Variants in CFTR observed in about 807,000 individuals in gnomAD.
CFTR encodes cystic fibrosis transmembrane conductance regulator.
A neutral mutation model predicts 171.6 loss-of-function variants in CFTR; 181 were observed. The ratio of observed to expected loss-of-function variants is 1.05; its 90% CI spans 0.93 to 1.19. The LOEUF (loss-of-function observed/expected upper bound fraction) is 1.19. CFTR is among the 50% of genes most tolerant of loss of function. The pLI, the probability that CFTR is intolerant of heterozygous loss-of-function variation, is 0.00. For synonymous variants in CFTR, 583 were observed against 608.0 expected, an observed-to-expected ratio of 0.96 and a Z score of 0.60; for missense variants, 1,968 against 1,734.7, an observed-to-expected ratio of 1.13 and a Z score of -2.39.
At chr7:117,662,664 C>A (rs934636747) in intron 24 of CFTR, among the ~76,000 whole-genome samples, 3 of 152,072 alleles carry the variant, frequency 2.0e-5, no homozygotes, top group Non-Finnish European at 2.9e-5. Context: ...TTAGGAAGAT[C>A]CCTGGGGTGT....
At chr7:117,618,056 C>A (rs184809794) in intron 21 of CFTR, among the ~76,000 whole-genome samples, 1 of 152,294 alleles carries the variant, frequency 6.6e-6, no homozygotes, top group East Asian at 1.9e-4. Context: ...GATACTTTCT[C>A]TCTTGCTTCC....
In CFTR at chr7:117,537,942, G is replaced by C. The variant is rs565140583; in HGVS notation, c.869+1269G>C. ...AAGGGTGATGACAAGGATATCAGAG[G>C]GTCTGGTTTTCTCAAACTCATGATA... On this transcript the variant is annotated intron_variant, in intron 7 of 26. Coordinates refer to ENST00000003084, the MANE Select transcript of CFTR (RefSeq NM_000492.4). Among the ~76,000 whole-genome samples, 5 of 152,152 alleles carry C rather than the reference G, an allele frequency of 3.3e-5. No individual in the cohort carries two copies. In the South Asian group the frequency reaches 8.3e-4, roughly 25 times the overall value.
intron 3 of CFTR, among the ~76,000 whole-genome samples, chr7:117,524,410 A>G (rs1159731384): frequency 6.6e-6 from 1 of 151,830 alleles, no homozygotes; most frequent in Non-Finnish European, 1.5e-5. Flanking sequence ...AAAAAAAACC[A>G]AATCAAAGTA....
chr7:117,624,416 G>C (rs1321674387), intron 21 of CFTR, among the ~76,000 whole-genome samples: 2 of 152,046 alleles, frequency 1.3e-5, no homozygotes, highest in African/African-American at 4.8e-5. Context: ...GCCCCTGAGG[G>C]GTAAAAAGAT....
At chr7:117,601,648 T>G (rs1792226377) in intron 15 of CFTR, among the ~76,000 whole-genome samples, 1 of 152,196 alleles carries the variant, frequency 6.6e-6, no homozygotes, top group African/African-American at 2.4e-5. Flanking sequence ...TCCAAAATTG[T>G]TTTACTCACA....
intron 18 of CFTR, 79 bp downstream of exon 18, chr7:117,606,832 A>AT: frequency 1.1e-6 from 1 of 894,634 alleles, no homozygotes; most frequent in Non-Finnish European, 1.9e-6. Flanking sequence ...TTTTGTTTTC[A>AT]TTTTTTATTT....
chr7:117,614,685 T>C lies in CFTR; in HGVS notation c.3440T>C (p.Val1147Ala). 1 of 1,612,162 alleles carries C rather than the reference T, an allele frequency of 6.2e-7. No individual in the cohort carries two copies. Reference protein sequence around the residue: ...MNIMSTLQWAVNSSIDVDSLM... With the variant: ...MNIMSTLQWAANSSIDVDSLM... The stretch of plus-strand genomic sequence containing the variant: ...ATCATGAGTACATTGCAGTGGGCTG[T>C]AAACTCCAGCATAGATGTGGATAGC... The change falls in exon 21 of 27, where the codon GTA (valine) becomes GCA (alanine). Residue 1147 changes from valine (V) to alanine (A), a missense_variant. Transcript: ENST00000003084.
At chr7:117,644,292 A>G (rs941966399) in intron 23 of CFTR, among the ~76,000 whole-genome samples, 16 of 152,132 alleles carry the variant, frequency 1.1e-4, no homozygotes, top group Admixed American at 3.9e-4. Flanking sequence ...GTGAATGTCC[A>G]AGAAAGAGCA....
chr7:117,612,006 G>GATATATATATATATATGTAT (rs1390242551), intron 20 of CFTR, among the ~76,000 whole-genome samples, 198 bp downstream of exon 20: 1 of 76,796 alleles, frequency 1.3e-5, no homozygotes, highest in African/African-American at 5.1e-5. Context: ...CTTGAAATCG[G>GATATATATATATATATGTAT]ATATATATAT....
At chr7:117,520,654 ATAT>A in intron 3 of CFTR, among the ~76,000 whole-genome samples, 1 of 152,064 alleles carries the variant, frequency 6.6e-6, no homozygotes, top group East Asian at 1.9e-4. Context: ...GTCATGTCAC[ATAT>A]TATTATGGCT....
At chr7:117,623,817 A>G (rs1792614482) in intron 21 of CFTR, among the ~76,000 whole-genome samples, 1 of 152,158 alleles carries the variant, frequency 6.6e-6, no homozygotes, top group Non-Finnish European at 1.5e-5. Flanking sequence ...ATGGGGAGGG[A>G]TGTTTTGAAC....
intron 11 of CFTR, among the ~76,000 whole-genome samples, chr7:117,572,038 G>A (rs1584803766): frequency 2.0e-5 from 3 of 151,964 alleles, no homozygotes; most frequent in Admixed American, 1.3e-4. Flanking sequence ...GTCCTGCTCT[G>A]TTGTCCAGGC....
intron 4 of CFTR, among the ~76,000 whole-genome samples, chr7:117,532,986 T>C (rs1324749849): frequency 6.6e-6 from 1 of 152,234 alleles, no homozygotes. Flanking sequence ...GTAATAGAGC[T>C]CTTCTCTGCT....
At chr7:117,591,722 C>A (rs1442974301) in intron 13 of CFTR, among the ~76,000 whole-genome samples, 1 of 152,018 alleles carries the variant, frequency 6.6e-6, no homozygotes, top group South Asian at 2.1e-4. Flanking sequence ...TGTTAACATG[C>A]AACTTTTCAA....
chr7:117,531,445 TC>T (rs1374794183), intron 4 of CFTR, among the ~76,000 whole-genome samples: 2 of 152,056 alleles, frequency 1.3e-5, no homozygotes, highest in Non-Finnish European at 2.9e-5. Context: ...CAAAATATCA[TC>T]TTATAGTAAA....
At chr7:117,664,622 T>C in intron 24 of CFTR, 66 bp from the exon 25 acceptor site, 1 of 1,454,934 alleles carries the variant, frequency 6.9e-7, no homozygotes, top group Non-Finnish European at 9.7e-7. Context: ...TGTGTTTATT[T>C]TTAGAATGTC....
In CFTR at chr7:117,540,129, C is replaced by T; in HGVS notation, c.899C>T (p.Ala300Val). Residue 300 changes from alanine to valine, a missense_variant, in exon 8 of 27, where the codon GCC becomes GTC. Physicochemically the swap from Ala to Val is moderately conservative, Grantham distance 64 (BLOSUM62 0). Coordinates refer to ENST00000003084, the MANE Select transcript of CFTR (RefSeq NM_000492.4). ...GAACTGAAACTGACTCGGAAGGCAG[C>T]CTATGTGAGATACTTCAATAGCTCA... Reference protein sequence around the residue: ...QTELKLTRKAAYVRYFNSSAF... With the variant: ...QTELKLTRKAVYVRYFNSSAF... 6.2e-7 allele frequency: 1 copy of T among 1,612,962 alleles called. No homozygotes were observed. Among genetic ancestry groups the T allele is most frequent in the Non-Finnish European group, 8.5e-7 (1 of 1,179,044 alleles).
chr7:117,578,152 A>G (rs1369642268), intron 11 of CFTR, among the ~76,000 whole-genome samples: 2 of 151,998 alleles, frequency 1.3e-5, no homozygotes, highest in Non-Finnish European at 2.9e-5. Flanking sequence ...ACCTTTGAAC[A>G]ACACGGGTTT....
At chr7:117,482,996 C>G (rs1331789659) in intron 1 of CFTR, among the ~76,000 whole-genome samples, 1 of 152,134 alleles carries the variant, frequency 6.6e-6, no homozygotes, top group Non-Finnish European at 1.5e-5. Flanking sequence ...CAGTTAGTCT[C>G]AAGTAAGACC....
Sources: allele counts gnomAD v4.1 joint callset (sites outside exome capture counted in the v4.1 genomes callset), GRCh38; gene constraint gnomAD v4.1.1; transcripts MANE v1.5; gene names NCBI Gene and HGNC (gene_info 2026-07-23, HGNC 2026-07-21).